GRAMD2B: variants seen among roughly 807,000 people sequenced by gnomAD.
GRAMD2B encodes the protein GRAM domain-containing protein 2B.
Under a neutral mutation model 59.2 loss-of-function variants are expected in GRAMD2B, and 41 were observed. The observed-to-expected ratio is 0.69, with a 90% CI of 0.54 to 0.90. The LOEUF is 0.90. GRAMD2B is among the 40% of genes least tolerant of loss of function. The pLI, the probability that GRAMD2B is intolerant of heterozygous loss-of-function variation, is 0.00. For synonymous variants in GRAMD2B, 161 were observed against 182.7 expected (o/e 0.88, Z 0.96); for missense variants, 424 against 500.5 (o/e 0.85, Z 1.46).
chr5:126,409,098 AT>A (rs1561487627), intron 1 of GRAMD2B, among the ~76,000 whole-genome samples: 2 of 151,742 alleles, frequency 1.3e-5, no homozygotes, highest in Non-Finnish European at 2.9e-5. Context: ...ATTGTTGGAC[AT>A]TTGGGTTGGT....
In GRAMD2B at chr5:126,483,468, CA is replaced by C; in HGVS notation, c.743del (p.Asn248MetfsTer46). On this transcript the variant is annotated frameshift_variant, in exon 9 of 14. Coordinates refer to ENST00000285689, the MANE Select transcript of GRAMD2B (RefSeq NM_023927.4). LOFTEE classifies it high-confidence loss of function. The stretch of plus-strand genomic sequence containing the variant: ...ATTTCACTGTTTCCTTTCAGGATTT[CA>C]ATGATGAATTCTCAGATCTGGATGG... ...DRPSSLPLDF[N>X]DEFSDLDGVV... The C allele has an allele frequency of 6.3e-7, 1 of 1,597,570 alleles. No individual in the cohort carries two copies. Among genetic ancestry groups the C allele is most frequent in the Non-Finnish European group, 8.6e-7 (1 of 1,165,424 alleles).
At chr5:126,400,743 T>G (rs1442220222) in intron 1 of GRAMD2B, among the ~76,000 whole-genome samples, 1 of 152,096 alleles carries the variant, frequency 6.6e-6, no homozygotes, top group Non-Finnish European at 1.5e-5. Context: ...GTTGGCAGTT[T>G]TTTCTTTCAG....
At chr5:126,473,079 C>A (rs1052969660) in intron 4 of GRAMD2B, among the ~76,000 whole-genome samples, 186 bp from the exon 5 acceptor site, 1 of 152,188 alleles carries the variant, frequency 6.6e-6, no homozygotes, top group Non-Finnish European at 1.5e-5. Context: ...GTTGGTAAGA[C>A]TTTGAACTTA....
chr5:126,364,173 T>A (rs1239744206), intron 1 of GRAMD2B, among the ~76,000 whole-genome samples: 1 of 152,246 alleles, frequency 6.6e-6, no homozygotes, highest in Non-Finnish European at 1.5e-5. Context: ...TGGTAGGTAC[T>A]ATTATTCCCA....
At chr5:126,465,586 T>C (rs1358395392) in intron 2 of GRAMD2B, 41 bp downstream of exon 2, 10 of 1,591,672 alleles carry the variant, frequency 6.3e-6, no homozygotes, top group East Asian at 2.2e-5. Context: ...TTTTGTCTTT[T>C]GGGGAGAAGG....
chr5:126,426,381 A>G (rs1413819680), intron 1 of GRAMD2B, among the ~76,000 whole-genome samples: 1 of 151,918 alleles, frequency 6.6e-6, no homozygotes, highest in Non-Finnish European at 1.5e-5. Flanking sequence ...GGCCATACTC[A>G]TCTCTTCTTT....
At chr5:126,467,698 C>A (rs1172878735) in intron 2 of GRAMD2B, 1 of 152,072 alleles carries the variant, frequency 6.6e-6, no homozygotes, top group Non-Finnish European at 1.5e-5. Flanking sequence ...AAATAGAGAA[C>A]AAATGTTTTT....
chr5:126,362,539 A>G (rs1237313667), intron 1 of GRAMD2B, among the ~76,000 whole-genome samples: 2 of 152,218 alleles, frequency 1.3e-5, no homozygotes, highest in African/African-American at 4.8e-5. Flanking sequence ...GAAAAGTACC[A>G]AAAGTCCTGG....
chr5:126,492,989 CAT>C lies in GRAMD2B; in HGVS notation c.*34_*35del. The C allele has an allele frequency of 1.3e-6, 2 of 1,588,244 alleles. No individual in the cohort carries two copies. Among genetic ancestry groups the C allele is most frequent in the Non-Finnish European group, 1.7e-6 (2 of 1,156,992 alleles). ...GATTGCTTGGGCCATCGGAATACCT[CAT>C]GTTTCCCTTTGAAGAAGGTGCTTCC... is the stretch of plus-strand genomic sequence containing the variant. On this transcript the variant is annotated 3_prime_UTR_variant, in exon 14 of 14. Coordinates refer to ENST00000285689, the MANE Select transcript of GRAMD2B (RefSeq NM_023927.4).
chr5:126,444,394 T>G (rs1449803138), intron 1 of GRAMD2B, among the ~76,000 whole-genome samples: 4 of 152,248 alleles, frequency 2.6e-5, no homozygotes. Flanking sequence ...TATGAATTAT[T>G]GTTTTGTAAA....
chr5:126,413,358 T>G (rs1758986532), intron 1 of GRAMD2B, among the ~76,000 whole-genome samples: 1 of 152,156 alleles, frequency 6.6e-6, no homozygotes, highest in African/African-American at 2.4e-5. Context: ...ATTTTGTTGT[T>G]TATCCAAAAG....
chr5:126,480,495 A>C lies in GRAMD2B; in HGVS notation c.622A>C (p.Lys208Gln). 1 of 1,613,448 alleles carries C rather than the reference A, an allele frequency of 6.2e-7. No individual in the cohort carries two copies. Among genetic ancestry groups the C allele is most frequent in the Non-Finnish European group, 8.5e-7 (1 of 1,179,352 alleles). Reference protein sequence around the residue: ...VSLLSRDSTYKLLKSVCGHLE... With the variant: ...VSLLSRDSTYQLLKSVCGHLE... ...CTTACTCTCCAGAGATTCAACTTACAAACTACTAAAATCTGTGTGTGGACA... is the reference window on the plus strand; with the variant it reads ...CTTACTCTCCAGAGATTCAACTTACCAACTACTAAAATCTGTGTGTGGACA... Residue 208 changes from lysine to glutamine, a missense_variant, in exon 7 of 14, where the codon AAA (lysine) becomes CAA (glutamine). Physicochemically the swap from Lys to Gln is moderately conservative, Grantham distance 53 (BLOSUM62 1). Transcript: ENST00000285689.
chr5:126,409,131 A>G (rs1758531997), intron 1 of GRAMD2B, among the ~76,000 whole-genome samples: 1 of 151,926 alleles, frequency 6.6e-6, no homozygotes, highest in African/African-American at 2.4e-5. Flanking sequence ...GCTATTGTGA[A>G]TAGTGCCGCA....
intron 1 of GRAMD2B, among the ~76,000 whole-genome samples, chr5:126,365,959 A>T (rs1351138842): frequency 6.6e-6 from 1 of 152,228 alleles, no homozygotes; most frequent in Non-Finnish European, 1.5e-5. Flanking sequence ...AAAAAAAGAA[A>T]GATTATCTAA....
intron 1 of GRAMD2B, among the ~76,000 whole-genome samples, chr5:126,363,139 A>C (rs1288734177): frequency 6.6e-6 from 1 of 152,194 alleles, no homozygotes; most frequent in Non-Finnish European, 1.5e-5. Context: ...CAAATAACCC[A>C]ATTTTAAAAC....
intron 1 of GRAMD2B, among the ~76,000 whole-genome samples, chr5:126,381,106 T>G (rs1459184236): frequency 6.6e-6 from 1 of 152,184 alleles, no homozygotes; most frequent in African/African-American, 2.4e-5. Flanking sequence ...GTTTTAATCA[T>G]AAAGCGATGC....
chr5:126,465,529 A>G lies in GRAMD2B; in HGVS notation c.187A>G (p.Lys63Glu). 6.2e-7 allele frequency: 1 copy of G among 1,613,822 alleles called. No homozygotes were observed. Among genetic ancestry groups the G allele is most frequent in the Non-Finnish European group, 8.5e-7 (1 of 1,179,934 alleles). ...SVEADSPDQKKIISLWSKSSF... is the reference protein window; with the variant it reads ...SVEADSPDQKEIISLWSKSSF... The stretch of plus-strand genomic sequence containing the variant: ...GGAGGCGGACTCCCCAGACCAGAAG[A>G]AAATCATTAGCCTATGGTAAGTCCT... Residue 63 changes from lysine to glutamate, a missense_variant, in exon 2 of 14, where the codon AAA becomes GAA. Coordinates refer to ENST00000285689, the MANE Select transcript of GRAMD2B (RefSeq NM_023927.4).
intron 1 of GRAMD2B, among the ~76,000 whole-genome samples, chr5:126,415,732 C>A (rs1759213000): frequency 6.6e-6 from 1 of 151,846 alleles, no homozygotes; most frequent in African/African-American, 2.4e-5. Flanking sequence ...TTACTAGTTT[C>A]AAATGATTTT....
exon 1 of GRAMD2B, chr5:126,371,478 G>A: frequency 2.3e-6 from 3 of 1,289,276 alleles, no homozygotes; most frequent in South Asian, 2.5e-5. Flanking sequence ...GTGACACGGT[G>A]TTCCGGTTTG....
Sources: gnomAD v4.1 joint callset for allele counts (sites outside exome capture counted in the v4.1 genomes callset) on GRCh38, gnomAD v4.1.1 for gene constraint, MANE v1.5 for transcripts, NCBI Gene and HGNC (gene_info 2026-07-23, HGNC 2026-07-21) for gene names.